The following MTSS1 variants were observed in gnomAD, a reference collection of about 807,000 sequenced individuals.
MTSS1 encodes the protein protein MTSS 1.
A neutral mutation model predicts 79.0 loss-of-function variants in MTSS1; 18 were observed. The observed-to-expected ratio is 0.23, with a 90% CI of 0.16 to 0.34. The LOEUF is 0.34. Ranked by LOEUF, MTSS1 falls within the 10% of genes least tolerant of loss-of-function variation. The pLI is 1.00. For missense variants in MTSS1, 815 were observed against 986.2 expected, an observed-to-expected ratio of 0.83 and a Z score of 2.33; for synonymous variants, 341 against 368.6, an observed-to-expected ratio of 0.93 and a Z score of 0.86.
chr8:124,558,276 T>C (rs1824458515), intron 10 of MTSS1, among the ~76,000 whole-genome samples: 1 of 151,280 alleles, frequency 6.6e-6, no homozygotes, highest in Non-Finnish European at 1.5e-5. Context: ...TCATTCTAGG[T>C]TTCCAAAATC....
intron 3 of MTSS1, among the ~76,000 whole-genome samples, chr8:124,609,349 G>A (rs1835377028): frequency 6.6e-6 from 1 of 152,172 alleles, no homozygotes; most frequent in African/African-American, 2.4e-5. Flanking sequence ...TAGAGGAAAG[G>A]GAGAGCATGG....
intron 3 of MTSS1, among the ~76,000 whole-genome samples, chr8:124,678,461 C>T (rs1180561204): frequency 2.0e-5 from 3 of 152,186 alleles, no homozygotes; most frequent in Non-Finnish European, 4.4e-5. Context: ...ACTCACAGTT[C>T]CACATGGCTG....
intron 3 of MTSS1, among the ~76,000 whole-genome samples, chr8:124,596,184 A>G (rs1349311075): frequency 6.6e-6 from 1 of 152,010 alleles, no homozygotes; most frequent in Non-Finnish European, 1.5e-5. Context: ...AAGCATATTC[A>G]TTTTCTTATT....
intron 4 of MTSS1, among the ~76,000 whole-genome samples, chr8:124,590,288 T>G (rs1831627631): frequency 6.6e-6 from 1 of 152,210 alleles, no homozygotes; most frequent in South Asian, 2.1e-4. Context: ...GGGTCACCCC[T>G]CTGAGAGCTG....
intron 3 of MTSS1, among the ~76,000 whole-genome samples, chr8:124,658,314 T>C (rs1821354679): frequency 6.6e-6 from 1 of 152,178 alleles, no homozygotes. Context: ...TCTGATGTTT[T>C]GATATGGGGT....
At chr8:124,677,634 T>G (rs1163914476) in intron 3 of MTSS1, among the ~76,000 whole-genome samples, 1 of 152,240 alleles carries the variant, frequency 6.6e-6, no homozygotes, top group Non-Finnish European at 1.5e-5. Context: ...TGCCTACCCC[T>G]TCTTTAAATC....
Position 124,636,232 on chromosome 8 carries a change from C to T in MTSS1, c.209-44997G>A, listed in dbSNP as rs1353036100. Among the ~76,000 whole-genome samples, 5 of 152,306 alleles carry T rather than the reference C, an allele frequency of 3.3e-5. No individual in the cohort carries two copies. The South Asian group carries it at 6.2e-4, about 19-fold the overall frequency. ...GCAACCTCTGCCTCCTAGGTTCAAG[C>T]GATTCTCCTGCCTCAGCCTCTGGAG... On this transcript the variant is annotated intron_variant, in intron 3 of 13. Transcript: ENST00000518547.
chr8:124,725,571 A>G (rs1342839812), intron 1 of MTSS1, among the ~76,000 whole-genome samples: 1 of 152,180 alleles, frequency 6.6e-6, no homozygotes, highest in African/African-American at 2.4e-5. Flanking sequence ...GAGCAAACAG[A>G]TAGGAGACCA....
chr8:124,568,333 C>T, intron 7 of MTSS1, 46 bp downstream of exon 7: 3 of 1,586,300 alleles, frequency 1.9e-6, no homozygotes, highest in Non-Finnish European at 2.6e-6. Context: ...AGGAAGCCAC[C>T]TCTACACCAG....
chr8:124,710,140 C>T (rs532322931), intron 1 of MTSS1, among the ~76,000 whole-genome samples: 5 of 152,330 alleles, frequency 3.3e-5, no homozygotes, highest in African/African-American at 1.2e-4. Context: ...CTGGCCACTC[C>T]TCCAGGCAGG....
At chr8:124,690,403 C>G (rs1217472607) in intron 3 of MTSS1, among the ~76,000 whole-genome samples, 1 of 152,196 alleles carries the variant, frequency 6.6e-6, no homozygotes, top group Non-Finnish European at 1.5e-5. Context: ...ACTGTCCCTG[C>G]TGGAGGATTA....
intron 3 of MTSS1, among the ~76,000 whole-genome samples, chr8:124,680,943 G>A (rs759564986): frequency 2.2e-4 from 33 of 152,066 alleles, no homozygotes; most frequent in Non-Finnish European, 4.3e-4. Context: ...GCCAGAGTGG[G>A]GATTTCTTTA....
At chr8:124,640,927 T>C (rs1253997258) in intron 3 of MTSS1, among the ~76,000 whole-genome samples, 1 of 152,206 alleles carries the variant, frequency 6.6e-6, no homozygotes, top group Non-Finnish European at 1.5e-5. Context: ...GGAATTTCTT[T>C]ATAAGTTGTT....
chr8:124,658,400 G>A (rs971020784), intron 3 of MTSS1, among the ~76,000 whole-genome samples: 1 of 152,262 alleles, frequency 6.6e-6, no homozygotes, highest in East Asian at 1.9e-4. Context: ...TACCATGATT[G>A]TGAGGCCTCC....
intron 1 of MTSS1, among the ~76,000 whole-genome samples, chr8:124,721,411 A>ATTTTTTTTTTT (rs71289689): frequency 7.9e-6 from 1 of 127,238 alleles, no homozygotes; most frequent in African/African-American, 3.0e-5. Flanking sequence ...TTTAACTCTA[A>ATTTTTTTTTTT]TTTTTTTTTT....
At chr8:124,638,562 G>A (rs916933327) in intron 3 of MTSS1, among the ~76,000 whole-genome samples, 1 of 152,198 alleles carries the variant, frequency 6.6e-6, no homozygotes, top group Admixed American at 6.5e-5. Context: ...TCAGGAAACC[G>A]GAGGGTCTGT....
At chr8:124,696,592 C>T (rs910558818) in intron 3 of MTSS1, among the ~76,000 whole-genome samples, 1 of 152,150 alleles carries the variant, frequency 6.6e-6, no homozygotes, top group East Asian at 1.9e-4. Flanking sequence ...GTGGCTCCCG[C>T]CTGTAATCCC....
chr8:124,575,966 T>C (rs1828894028), intron 6 of MTSS1, among the ~76,000 whole-genome samples: 1 of 152,170 alleles, frequency 6.6e-6, no homozygotes, highest in Admixed American at 6.5e-5. Context: ...TAAGTAGCTC[T>C]TGAATCCACC....
At chr8:124,696,276 T>C (rs13251912) in intron 3 of MTSS1, among the ~76,000 whole-genome samples, 54,570 of 151,862 alleles carry the variant, frequency 0.36, 10,515 homozygotes, top group Non-Finnish European at 0.41. Context: ...TGTGAGCCAC[T>C]GCGCCCAGCC....
Sources: gnomAD v4.1 joint callset for allele counts (sites outside exome capture counted in the v4.1 genomes callset) on GRCh38, gnomAD v4.1.1 for gene constraint, MANE v1.5 for transcripts, NCBI Gene and HGNC (gene_info 2026-07-23, HGNC 2026-07-21) for gene names.